OPCML: variants seen among roughly 807,000 people sequenced by gnomAD.
OPCML encodes opioid binding protein/cell adhesion molecule like.
Under a neutral mutation model 37.8 loss-of-function variants are expected in OPCML, and 13 were observed. The ratio of observed to expected loss-of-function variants is 0.34; its 90% CI spans 0.22 to 0.55. The LOEUF (loss-of-function observed/expected upper bound fraction) is 0.55, where lower values mean the gene tolerates loss of function less well. OPCML is among the 20% of genes least tolerant of loss of function. The probability of loss-of-function intolerance (pLI) is 0.91; values close to 1 mark genes in which losing one functional copy is unlikely to be tolerated. For missense variants in OPCML, 341 were observed against 435.6 expected, an observed-to-expected ratio of 0.78 and a Z score of 1.93; for synonymous variants, 176 against 168.8, an observed-to-expected ratio of 1.04 and a Z score of -0.33.
intron 2 of OPCML, among the ~76,000 whole-genome samples, chr11:132,826,473 T>C (rs1325496896): frequency 6.6e-6 from 1 of 152,154 alleles, no homozygotes; most frequent in Non-Finnish European, 1.5e-5. Flanking sequence ...CAAGAGAAGA[T>C]GCAAAGGGGC....
chr11:132,969,943 T>C (rs1946303506), intron 1 of OPCML, among the ~76,000 whole-genome samples: 1 of 152,194 alleles, frequency 6.6e-6, no homozygotes, highest in Admixed American at 6.5e-5. Context: ...TGTTGCTGTA[T>C]TTTTTTCTTC....
At chr11:133,194,633 C>T (rs372643942) in intron 1 of OPCML, among the ~76,000 whole-genome samples, 4 of 152,302 alleles carry the variant, frequency 2.6e-5, no homozygotes, top group African/African-American at 7.2e-5. Context: ...TTTCCATCTC[C>T]GATACGTCCT....
At chr11:133,439,563 G>A (rs1946317795) in intron 1 of OPCML, among the ~76,000 whole-genome samples, 1 of 151,940 alleles carries the variant, frequency 6.6e-6, no homozygotes, top group Non-Finnish European at 1.5e-5. Context: ...CGCCTCCCAG[G>A]TTCACGTCAT....
chr11:132,506,979 T>G (rs2096258424), intron 4 of OPCML, among the ~76,000 whole-genome samples: 1 of 151,972 alleles, frequency 6.6e-6, no homozygotes, highest in South Asian at 2.1e-4. Context: ...AAAAGCTATA[T>G]CTAAATCAGA....
intron 1 of OPCML, among the ~76,000 whole-genome samples, chr11:132,958,281 C>T (rs1320078818): frequency 1.3e-5 from 2 of 152,196 alleles, no homozygotes; most frequent in African/African-American, 4.8e-5. Flanking sequence ...GGTTGTAACT[C>T]TCTTCAATTC....
intron 1 of OPCML, among the ~76,000 whole-genome samples, chr11:133,096,071 C>T (rs1047289914): frequency 1.1e-4 from 16 of 150,918 alleles, no homozygotes; most frequent in Non-Finnish European, 1.9e-4. Flanking sequence ...AATCCTTCAC[C>T]GATCTAACAG....
intron 2 of OPCML, among the ~76,000 whole-genome samples, chr11:132,869,551 C>CT (rs985850695): frequency 1.3e-4 from 20 of 151,850 alleles, no homozygotes; most frequent in Middle Eastern, 3.4e-3. Context: ...AATAATGAAC[C>CT]TTTTTTCCTT....
chr11:133,192,285 G>C (rs920285347), intron 1 of OPCML, among the ~76,000 whole-genome samples: 2 of 152,160 alleles, frequency 1.3e-5, no homozygotes, highest in African/African-American at 4.8e-5. Context: ...ATTTGGACAG[G>C]GAGGAAGCTC....
At chr11:132,856,224 A>G (rs1478695866) in intron 2 of OPCML, among the ~76,000 whole-genome samples, 1 of 152,220 alleles carries the variant, frequency 6.6e-6, no homozygotes, top group East Asian at 1.9e-4. Flanking sequence ...TAATCAATAA[A>G]TCGATTGAAG....
intron 1 of OPCML, among the ~76,000 whole-genome samples, chr11:133,339,540 T>C (rs1397350782): frequency 2.0e-5 from 3 of 152,142 alleles, no homozygotes; most frequent in Non-Finnish European, 4.4e-5. Flanking sequence ...CTCATCATGG[T>C]CTAGTAAAAC....
chr11:133,398,014 A>C (rs1208432827), intron 1 of OPCML, among the ~76,000 whole-genome samples: 1 of 152,162 alleles, frequency 6.6e-6, no homozygotes, highest in South Asian at 2.1e-4. Flanking sequence ...ATCCAAACCT[A>C]TGCTCTCACC....
intron 1 of OPCML, among the ~76,000 whole-genome samples, chr11:133,103,573 T>A (rs1311555101): frequency 6.6e-6 from 1 of 152,252 alleles, no homozygotes; most frequent in Admixed American, 6.5e-5. Context: ...CTTTTGTTCA[T>A]ACAATGGAAC....
At chr11:132,924,055 G>T (rs1478302349) in intron 2 of OPCML, among the ~76,000 whole-genome samples, 1 of 151,798 alleles carries the variant, frequency 6.6e-6, no homozygotes, top group Non-Finnish European at 1.5e-5. Context: ...GAGCCACTGC[G>T]CCCAGCCCCT....
chr11:132,764,064 T>C (rs1946356137), intron 2 of OPCML, among the ~76,000 whole-genome samples: 1 of 152,234 alleles, frequency 6.6e-6, no homozygotes, highest in Non-Finnish European at 1.5e-5. Flanking sequence ...TGAGATGTTC[T>C]TTAAGCTGCT....
intron 2 of OPCML, among the ~76,000 whole-genome samples, chr11:132,702,784 A>G (rs1943880249): frequency 1.3e-5 from 2 of 151,726 alleles, no homozygotes; most frequent in African/African-American, 2.4e-5. Context: ...TTCAAATGAC[A>G]TGACTTTGAT....
chr11:132,435,778 A>G lies in OPCML; in HGVS notation c.916+308T>C, dbSNP rs116713928. ...CAACTACAGAAGGCATCTTAAAATT[A>G]CACAGTTGAATTGACCCATGGTTCT... On this transcript the variant is annotated intron_variant, in intron 7 of 7. Transcript: ENST00000524381. Among the ~76,000 whole-genome samples the G allele has an allele frequency of 4.7e-3, 720 of 152,362 alleles. 5 individuals are homozygous for G. Among genetic ancestry groups the G allele is most frequent in the African/African-American group, 0.016 (678 of 41,594 alleles).
chr11:133,342,116 T>A (rs1385505040), intron 1 of OPCML, among the ~76,000 whole-genome samples: 1 of 152,118 alleles, frequency 6.6e-6, no homozygotes, highest in Non-Finnish European at 1.5e-5. Flanking sequence ...TTCCATGTGA[T>A]ATCTCCCGGC....
chr11:133,286,246 C>G (rs1030427856), intron 1 of OPCML, among the ~76,000 whole-genome samples: 1 of 151,866 alleles, frequency 6.6e-6, no homozygotes, highest in Non-Finnish European at 1.5e-5. Flanking sequence ...GTCAGGAGAT[C>G]GCAACCATCC....
chr11:133,185,960 C>T (rs1277006956), intron 1 of OPCML, among the ~76,000 whole-genome samples: 5 of 152,242 alleles, frequency 3.3e-5, no homozygotes, highest in African/African-American at 7.2e-5. Flanking sequence ...CAAGTAGTCA[C>T]TGTACTTATT....
Sources: gnomAD v4.1 joint callset for allele counts (sites outside exome capture counted in the v4.1 genomes callset) on GRCh38, gnomAD v4.1.1 for gene constraint, MANE v1.5 for transcripts, NCBI Gene and HGNC (gene_info 2026-07-23, HGNC 2026-07-21) for gene names.